ZFAT: variants seen among roughly 807,000 people sequenced by gnomAD.
The protein encoded by ZFAT is zinc finger and AT-hook domain containing, also known as zinc finger protein ZFAT.
Under a neutral mutation model 117.7 loss-of-function variants are expected in ZFAT, and 64 were observed. That is an observed-to-expected ratio of 0.54 (90% CI 0.44 to 0.67). The LOEUF is 0.67. ZFAT is among the 30% of genes least tolerant of loss of function. The pLI is 0.00. For missense variants in ZFAT, 1,433 were observed against 1,584.5 expected, an observed-to-expected ratio of 0.90 and a Z score of 1.62; for synonymous variants, 679 against 615.0, an observed-to-expected ratio of 1.10 and a Z score of -1.54.
chr8:134,605,477 T>C (rs903022431), intron 5 of ZFAT, among the ~76,000 whole-genome samples: 6 of 144,174 alleles, frequency 4.2e-5, no homozygotes, highest in African/African-American at 1.6e-4. Flanking sequence ...ACCCAGGGGG[T>C]GGAGCTTGCA....
intron 3 of ZFAT, among the ~76,000 whole-genome samples, chr8:134,616,093 C>A (rs553506172): frequency 6.6e-6 from 1 of 152,260 alleles, no homozygotes; most frequent in South Asian, 2.1e-4. Context: ...AGACTCTGGC[C>A]TACAAAAGCA....
At chr8:134,680,524 G>A (rs1226078838) in intron 1 of ZFAT, among the ~76,000 whole-genome samples, 1 of 152,084 alleles carries the variant, frequency 6.6e-6, no homozygotes, top group Non-Finnish European at 1.5e-5. Flanking sequence ...GTAAATGGTG[G>A]GAAGCTTTCT....
At chr8:134,714,171 T>C (rs1814159015), upstream of ZFAT, among the ~76,000 whole-genome samples, 1 of 126,432 alleles carries the variant, frequency 7.9e-6, no homozygotes, top group Admixed American at 9.1e-5. Context: ...TTTGGGAAAC[T>C]GATTTGTGTT....
At chr8:134,509,563 G>A in intron 15 of ZFAT, 56 bp downstream of exon 15, 1 of 1,607,854 alleles carries the variant, frequency 6.2e-7, no homozygotes, top group Non-Finnish European at 8.5e-7. Flanking sequence ...GGGAGAAGGA[G>A]AGAACCTGAC....
chr8:134,628,231 T>C (rs868397255), intron 3 of ZFAT, among the ~76,000 whole-genome samples: 3 of 152,028 alleles, frequency 2.0e-5, no homozygotes, highest in South Asian at 2.1e-4. Flanking sequence ...GTCAAGCATA[T>C]TCAGAGGTAA....
chr8:134,490,822 C>T (rs1817998638), intron 15 of ZFAT, among the ~76,000 whole-genome samples: 1 of 152,284 alleles, frequency 6.6e-6, no homozygotes, highest in South Asian at 2.1e-4. Flanking sequence ...AGTCCTGCCT[C>T]CCAACTACCC....
chr8:134,709,594 C>T (rs184248354), intron 1 of ZFAT, among the ~76,000 whole-genome samples: 16 of 152,294 alleles, frequency 1.1e-4, no homozygotes, highest in African/African-American at 2.9e-4. Context: ...ATCTCTTTTA[C>T]GTAATTAAAT....
At chr8:134,656,618 T>C (rs1831620678) in intron 2 of ZFAT, among the ~76,000 whole-genome samples, 1 of 152,256 alleles carries the variant, frequency 6.6e-6, no homozygotes, top group African/African-American at 2.4e-5. Context: ...TCCTTGTTAA[T>C]GGTGTCCGAC....
intron 1 of ZFAT, 43 bp downstream of exon 1, chr8:134,712,800 GCC>G: frequency 8.8e-7 from 1 of 1,140,186 alleles, no homozygotes; most frequent in Non-Finnish European, 1.2e-6. Flanking sequence ...GCCGCGCCGC[GCC>G]CCACCCCCAC....
chr8:134,513,966 A>G (rs545907158), intron 13 of ZFAT, among the ~76,000 whole-genome samples: 1 of 152,352 alleles, frequency 6.6e-6, no homozygotes, highest in Non-Finnish European at 1.5e-5. Flanking sequence ...AGATTAGCCG[A>G]CAGTAGATCC....
At chr8:134,792,935 A>G in the ZFAT span, 3 of 152,140 alleles carry the variant, frequency 2.0e-5, no homozygotes, top group Non-Finnish European at 4.4e-5. Flanking sequence ...TTCTTAGTAA[A>G]AGGAAAAAAG....
At position 134,637,671 on chromosome 8, in the gene ZFAT, A is replaced by G. The variant is rs1255857277; in HGVS notation, c.238T>C (p.Ser80Pro). ...MKRKRGRPKG[S>P]TKKSSTEEEL... is the part of the protein sequence containing the mutation. ...TCTTCTGTGCTGGACTTCTTCGTGGACCCCTTAGGCCTGCCTCTCTTCCTC... is the reference window on the plus strand; with the variant it reads ...TCTTCTGTGCTGGACTTCTTCGTGGGCCCCTTAGGCCTGCCTCTCTTCCTC... Residue 80 changes from serine (S) to proline (P), a missense_variant, in exon 3 of 16, where the codon TCC becomes CCC. This residue lies in a region of ZFAT where 436 missense variants were observed against 482.0 expected (regional missense o/e 0.90). Coordinates refer to ENST00000377838, the MANE Select transcript of ZFAT (RefSeq NM_020863.4). 6.2e-7 allele frequency: 1 copy of G among 1,613,968 alleles called. No homozygotes were observed. Among genetic ancestry groups the G allele is most frequent in the South Asian group, 1.1e-5 (1 of 91,070 alleles).
At chr8:134,710,875 C>G (rs1444271742) in intron 1 of ZFAT, among the ~76,000 whole-genome samples, 1 of 152,218 alleles carries the variant, frequency 6.6e-6, no homozygotes, top group African/African-American at 2.4e-5. Context: ...AATTTCTATG[C>G]TACCAATAAG....
At chr8:134,771,515 C>T in the ZFAT span, among the ~76,000 whole-genome samples, 3 of 152,200 alleles carry the variant, frequency 2.0e-5, no homozygotes, top group Non-Finnish European at 4.4e-5. Flanking sequence ...CTCCAATTCC[C>T]AACAAGTTCT....
chr8:134,827,985 A>G, the ZFAT span, among the ~76,000 whole-genome samples: 7 of 152,170 alleles, frequency 4.6e-5, no homozygotes, highest in African/African-American at 1.7e-4. Context: ...AGCCTCACGT[A>G]TCTTGGCACA....
intron 4 of ZFAT, among the ~76,000 whole-genome samples, chr8:134,609,276 G>A (rs1038597262): frequency 6.6e-5 from 10 of 151,922 alleles, no homozygotes; most frequent in Non-Finnish European, 1.2e-4. Context: ...TTTACCCCTT[G>A]TTTCTGGAAT....
At chr8:134,747,474 T>C in the ZFAT span, among the ~76,000 whole-genome samples, 1 of 152,254 alleles carries the variant, frequency 6.6e-6, no homozygotes, top group Non-Finnish European at 1.5e-5. Context: ...CTTATATGAA[T>C]ATTTTTCCTA....
At chr8:134,698,338 A>AT (rs10669312) in intron 1 of ZFAT, among the ~76,000 whole-genome samples, 9 of 151,114 alleles carry the variant, frequency 6.0e-5, no homozygotes, top group African/African-American at 2.2e-4. Flanking sequence ...AAAAAAAAAA[A>AT]GAATGACCTA....
chr8:134,525,957 T>C (rs1820995533), intron 12 of ZFAT, among the ~76,000 whole-genome samples: 1 of 152,252 alleles, frequency 6.6e-6, no homozygotes, highest in Admixed American at 6.5e-5. Flanking sequence ...TAACTTCCTT[T>C]GTTATTGCTT....
Sources: allele counts gnomAD v4.1 joint callset (sites outside exome capture counted in the v4.1 genomes callset), GRCh38; gene constraint gnomAD v4.1.1; regional missense constraint gnomAD v4.1.1; transcripts MANE v1.5; gene names NCBI Gene and HGNC (gene_info 2026-07-23, HGNC 2026-07-21).